The following CHCHD3 variants were observed in gnomAD, a reference collection of about 807,000 sequenced individuals.
The protein encoded by CHCHD3 is MICOS complex subunit MIC19.
Under a neutral mutation model 38.2 loss-of-function variants are expected in CHCHD3, and 20 were observed. That is an observed-to-expected ratio of 0.52 (90% CI 0.37 to 0.76). The LOEUF (loss-of-function observed/expected upper bound fraction) is 0.76, where lower values mean the gene tolerates loss of function less well. Among genes scored for constraint, CHCHD3 ranks in the 30% least tolerant of loss-of-function variants. The probability of loss-of-function intolerance (pLI) is 0.00; values close to 1 mark genes in which losing one functional copy is unlikely to be tolerated. For synonymous variants in CHCHD3, 82 were observed against 100.0 expected, an observed-to-expected ratio of 0.82 and a Z score of 1.07; for missense variants, 245 against 279.2, an observed-to-expected ratio of 0.88 and a Z score of 0.87.
At chr7:132,819,472 T>C (rs193190666) in intron 6 of CHCHD3, among the ~76,000 whole-genome samples, 2 of 152,298 alleles carry the variant, frequency 1.3e-5, no homozygotes, top group African/African-American at 4.8e-5. Flanking sequence ...GAGTCTAAGT[T>C]AAGAAGCATG....
intron 3 of CHCHD3, among the ~76,000 whole-genome samples, chr7:133,004,009 G>C (rs1812638100): frequency 6.6e-6 from 1 of 151,510 alleles, no homozygotes; most frequent in Non-Finnish European, 1.5e-5. Context: ...CCAGGCTGCA[G>C]TACAATGGCG....
chr7:133,013,552 A>G (rs1812942133), intron 3 of CHCHD3, among the ~76,000 whole-genome samples: 1 of 152,200 alleles, frequency 6.6e-6, no homozygotes, highest in African/African-American at 2.4e-5. Context: ...ATTACTTACT[A>G]TTACATATTA....
At chr7:133,060,681 G>C (rs1330750741) in intron 2 of CHCHD3, among the ~76,000 whole-genome samples, 3 of 152,160 alleles carry the variant, frequency 2.0e-5, no homozygotes, top group Non-Finnish European at 4.4e-5. Flanking sequence ...GGCCAAGATG[G>C]GTGGATCACC....
chr7:133,032,538 G>A (rs1456241676), intron 2 of CHCHD3, among the ~76,000 whole-genome samples: 2 of 152,104 alleles, frequency 1.3e-5, no homozygotes, highest in Non-Finnish European at 2.9e-5. Context: ...GGCATATTAC[G>A]CAAATAATGT....
chr7:132,801,902 C>A (rs1194382591), intron 6 of CHCHD3, among the ~76,000 whole-genome samples: 1 of 152,124 alleles, frequency 6.6e-6, no homozygotes, highest in East Asian at 1.9e-4. Flanking sequence ...ACGTGGGGAA[C>A]GTGACCTGGA....
chr7:132,879,141 A>G (rs1179646149), intron 5 of CHCHD3, among the ~76,000 whole-genome samples: 1 of 152,190 alleles, frequency 6.6e-6, no homozygotes, highest in Admixed American at 6.5e-5. Context: ...TGGAAAACTA[A>G]CCTAATAAAA....
At chr7:132,860,261 G>A (rs188149856) in intron 5 of CHCHD3, among the ~76,000 whole-genome samples, 100 of 151,660 alleles carry the variant, frequency 6.6e-4, no homozygotes, top group Non-Finnish European at 3.5e-4. Context: ...AGTGAGACTC[G>A]ATCTCAAAAA....
At chr7:132,947,441 T>C (rs909625555) in intron 4 of CHCHD3, among the ~76,000 whole-genome samples, 1 of 151,870 alleles carries the variant, frequency 6.6e-6, no homozygotes, top group Non-Finnish European at 1.5e-5. Context: ...CCAGTAAGCA[T>C]GTAAAATAAA....
rs528188063 is a variant in CHCHD3, at chr7:132,943,908, A to T, written c.369+31261T>A. Reference sequence around the variant, plus strand: ...CACTTTCAAACTGATAAATAACAACAGAACTTGTAACACCCAATGCTAATA... The same window carrying T: ...CACTTTCAAACTGATAAATAACAACTGAACTTGTAACACCCAATGCTAATA... On this transcript the variant is annotated intron_variant, in intron 4 of 7. Transcript: ENST00000262570. Among the ~76,000 whole-genome samples, 13 of 152,256 alleles carry T rather than the reference A, an allele frequency of 8.5e-5. No individual in the cohort carries two copies. In the South Asian group the frequency reaches 2.7e-3, roughly 32 times the overall value.
At chr7:133,024,745 T>C (rs1813289388) in intron 2 of CHCHD3, 118 bp from the exon 3 acceptor site, 2 of 745,682 alleles carry the variant, frequency 2.7e-6, no homozygotes, top group Admixed American at 2.1e-5. Flanking sequence ...TTCTGCCAAG[T>C]GGCCAGCGTC....
chr7:132,835,644 T>C (rs1409212255), intron 6 of CHCHD3, among the ~76,000 whole-genome samples: 1 of 152,192 alleles, frequency 6.6e-6, no homozygotes, highest in Non-Finnish European at 1.5e-5. Context: ...TATCTTTCTC[T>C]ATGAAATCCA....
intron 1 of CHCHD3, among the ~76,000 whole-genome samples, chr7:133,077,869 T>C (rs976161752): frequency 1.4e-5 from 2 of 138,216 alleles, no homozygotes; most frequent in Admixed American, 1.5e-4. Flanking sequence ...AAGCTATCAG[T>C]TGCTAAGGAT....
chr7:132,932,085 CA>C (rs1810528225), intron 4 of CHCHD3, among the ~76,000 whole-genome samples: 1 of 151,994 alleles, frequency 6.6e-6, no homozygotes, highest in African/African-American at 2.4e-5. Context: ...ATATATTTAC[CA>C]TATTAATTTT....
rs138931198 is a variant in CHCHD3, at chr7:132,926,034, G to A, written c.370-40289C>T. Among the ~76,000 whole-genome samples, 995 of 152,276 alleles carry A rather than the reference G, an allele frequency of 6.5e-3. 11 individuals carry two copies. The highest frequency in any genetic ancestry group is 0.022 in the African/African-American group (923 of 41,562). ...AGCAAGCAAGGCAGACTATGAGGATGAGCCATCTACCATTCTGAAGTGCCA... is the reference window on the plus strand; with the variant it reads ...AGCAAGCAAGGCAGACTATGAGGATAAGCCATCTACCATTCTGAAGTGCCA... On this transcript the variant is annotated intron_variant, in intron 4 of 7. Transcript: ENST00000262570.
intron 3 of CHCHD3, among the ~76,000 whole-genome samples, chr7:133,013,891 A>C (rs1239571153): frequency 6.6e-6 from 1 of 152,208 alleles, no homozygotes; most frequent in Non-Finnish European, 1.5e-5. Context: ...TGTTAAAGAA[A>C]CAAACACAAT....
At chr7:133,020,512 A>G (rs1423383911) in intron 3 of CHCHD3, among the ~76,000 whole-genome samples, 2 of 152,252 alleles carry the variant, frequency 1.3e-5, no homozygotes, top group African/African-American at 4.8e-5. Context: ...AAGACATTCA[A>G]GAAGTCATTC....
intron 6 of CHCHD3, among the ~76,000 whole-genome samples, chr7:132,827,573 A>G (rs551474570): frequency 6.6e-6 from 1 of 152,324 alleles, no homozygotes; most frequent in South Asian, 2.1e-4. Context: ...CCTGTATATC[A>G]CAATGCACCA....
intron 4 of CHCHD3, among the ~76,000 whole-genome samples, chr7:132,897,017 T>C (rs944300086): frequency 5.3e-5 from 8 of 152,228 alleles, no homozygotes; most frequent in African/African-American, 1.9e-4. Flanking sequence ...CCATCACTGG[T>C]AAAAGCAGGG....
At chr7:132,858,523 A>G (rs1808401864) in intron 5 of CHCHD3, among the ~76,000 whole-genome samples, 1 of 152,182 alleles carries the variant, frequency 6.6e-6, no homozygotes, top group African/African-American at 2.4e-5. Context: ...CCTTGCCCCA[A>G]TCATCCTAAT....
Sources: gnomAD v4.1 joint callset for allele counts (sites outside exome capture counted in the v4.1 genomes callset) on GRCh38, gnomAD v4.1.1 for gene constraint, MANE v1.5 for transcripts, NCBI Gene and HGNC (gene_info 2026-07-23, HGNC 2026-07-21) for gene names.